MAP3K4: variants seen among roughly 807,000 people sequenced by gnomAD.
The protein encoded by MAP3K4 is MAP three kinase 1.
Under a neutral mutation model 185.6 loss-of-function variants are expected in MAP3K4, and 67 were observed. That is an observed-to-expected ratio of 0.36 (90% CI 0.30 to 0.44). The LOEUF (loss-of-function observed/expected upper bound fraction) is 0.44. Ranked by LOEUF, MAP3K4 falls within the 20% of genes least tolerant of loss-of-function variation. The pLI, the probability that MAP3K4 is intolerant of heterozygous loss-of-function variation, is 1.00. For synonymous variants in MAP3K4, 702 were observed against 710.4 expected (o/e 0.99, Z 0.19); for missense variants, 1,551 against 1,995.1 (o/e 0.78, Z 4.24).
Position 161,053,847 on chromosome 6 carries a change from G to T in MAP3K4, c.1707+3868G>T, listed in dbSNP as rs9458107. Among the ~76,000 whole-genome samples, 99 of 152,228 alleles carry T rather than the reference G, an allele frequency of 6.5e-4. No homozygotes were observed. The highest frequency in any genetic ancestry group is 3.4e-3 in the Middle Eastern group (1 of 294). On this transcript the variant is annotated intron_variant, in intron 3 of 26. Coordinates refer to ENST00000392142, the MANE Select transcript of MAP3K4 (RefSeq NM_005922.4). This position sits in a 1 kb window ranked among gnomAD's most constrained non-coding sequence, Gnocchi z 4.2. ...GACCCCAAATGATCCACCTGCCTCCGCCTCCCAAAGTGCTGGGATTACAGG... is the reference window on the plus strand; with the variant it reads ...GACCCCAAATGATCCACCTGCCTCCTCCTCCCAAAGTGCTGGGATTACAGG...
rs978169390 is a variant in MAP3K4, at chr6:161,087,472, T to C, written c.2557-216T>C. Among the ~76,000 whole-genome samples the C allele has an allele frequency of 6.6e-6, 1 of 152,182 alleles. No homozygotes were observed. The highest frequency in any genetic ancestry group is 1.5e-5 in the Non-Finnish European group (1 of 68,044). The stretch of plus-strand genomic sequence containing the variant: ...GGATGTCCAATAATCGGGGAGACTC[T>C]GTAAGGCCTCTCCTCCAGTGCGTTC... On this transcript the variant is annotated intron_variant, in intron 9 of 26. Coordinates refer to ENST00000392142, the MANE Select transcript of MAP3K4 (RefSeq NM_005922.4). This position sits in a 1 kb window ranked among gnomAD's most constrained non-coding sequence, Gnocchi z 4.9.
intron 25 of MAP3K4, among the ~76,000 whole-genome samples, chr6:161,113,115 T>TC (rs1778424260): frequency 6.6e-6 from 1 of 152,180 alleles, no homozygotes; most frequent in South Asian, 2.1e-4. Context: ...GCTTTATTCA[T>TC]AATTACCAAA....
intron 3 of MAP3K4, among the ~76,000 whole-genome samples, chr6:161,050,337 G>A (rs1194809945): frequency 6.6e-6 from 1 of 152,176 alleles, no homozygotes; most frequent in Non-Finnish European, 1.5e-5. Context: ...ACACTCAGGT[G>A]TTTATAAATG....
chr6:161,086,373 T>C lies in MAP3K4; in HGVS notation c.2373-6T>C. 1.3e-6 allele frequency: 2 copies of C among 1,586,936 alleles called. No individual in the cohort carries two copies. Among genetic ancestry groups the C allele is most frequent in the Non-Finnish European group, 1.7e-6 (2 of 1,159,458 alleles). On this transcript the variant is annotated splice_polypyrimidine_tract_variant and splice_region_variant and intron_variant, in intron 7 of 26. Transcript: ENST00000392142. This position sits in a 1 kb window ranked among gnomAD's most constrained non-coding sequence, Gnocchi z 4.8. ...TGTTCTAACTGGACTTGAATCCACT[T>C]GGCAGGAGGTCTGTTATAGAGATCA...
chr6:161,021,254 C>T (rs1311347856), intron 1 of MAP3K4, among the ~76,000 whole-genome samples: 1 of 152,148 alleles, frequency 6.6e-6, no homozygotes, highest in Admixed American at 6.5e-5. Flanking sequence ...CAACAGGTCA[C>T]TTGGTCTTGA....
At chr6:161,044,716 C>G (rs1783640759) in intron 2 of MAP3K4, among the ~76,000 whole-genome samples, 1 of 152,160 alleles carries the variant, frequency 6.6e-6, no homozygotes, top group Non-Finnish European at 1.5e-5. Context: ...GTATTTGGCT[C>G]ATGGTTCTGT....
rs188354789 is a variant in MAP3K4 at position 161,109,968 on chromosome 6, G to A, written c.4396+54G>A. 72 of 1,598,076 alleles carry A rather than the reference G, an allele frequency of 4.5e-5. No individual in the cohort carries two copies. In the East Asian group the frequency reaches 6.3e-4, roughly 14 times the overall value. ...GGCCAGAGCCACTGGTACCCAGCCC[G>A]TGGGAGGTGCTCTGAAGACGCTCAT... On this transcript the variant is annotated intron_variant, in intron 23 of 26. Transcript: ENST00000392142. This position sits in a 1 kb window ranked among gnomAD's most constrained non-coding sequence, Gnocchi z 5.7.
In MAP3K4 at chr6:161,049,410, A is replaced by G. The variant is rs1211886533; in HGVS notation, c.1138A>G (p.Lys380Glu). The change falls in exon 3 of 27, where the codon AAA (lysine) becomes GAA (glutamate). Residue 380 changes from lysine to glutamate, a missense_variant. Around this residue, in one of 16 missense-constraint regions of MAP3K4, gnomAD observed 93 missense variants for 96.7 expected, o/e 0.96. Coordinates refer to ENST00000392142, the MANE Select transcript of MAP3K4 (RefSeq NM_005922.4). This position sits in a 1 kb window ranked among gnomAD's most constrained non-coding sequence, Gnocchi z 8.4. Reference sequence around the variant, plus strand: ...GCAGGCTCTTCAGAAGGACTATGAAAAATATGCTGCAAAAGACTTCCAGGA... The same window carrying G: ...GCAGGCTCTTCAGAAGGACTATGAAGAATATGCTGCAAAAGACTTCCAGGA... ...SLQALQKDYE[K>E]YAAKDFQDRV... 1 of 1,614,126 alleles carries G rather than the reference A, an allele frequency of 6.2e-7. No homozygotes were observed. Among genetic ancestry groups the G allele is most frequent in the Non-Finnish European group, 8.5e-7 (1 of 1,179,992 alleles).
intron 1 of MAP3K4, among the ~76,000 whole-genome samples, chr6:160,992,599 C>T (rs1435675879): frequency 6.6e-6 from 1 of 152,188 alleles, no homozygotes. Flanking sequence ...AGAAATTGCA[C>T]TTAGACTATG....
intron 3 of MAP3K4, among the ~76,000 whole-genome samples, chr6:161,055,360 T>C (rs960297096): frequency 6.6e-6 from 1 of 152,236 alleles, no homozygotes; most frequent in Non-Finnish European, 1.5e-5. Flanking sequence ...ATCCTTAATA[T>C]CAAAACTACT....
At position 161,049,019 on chromosome 6, in the gene MAP3K4, A is replaced by C; in HGVS notation, c.747A>C (p.Gln249His). The change falls in exon 3 of 27, where the codon CAA becomes CAC. Residue 249 changes from glutamine to histidine, a missense_variant. Gln to His is a conservative substitution (Grantham distance 24, BLOSUM62 0). This residue lies in a region of MAP3K4 where 69 missense variants were observed against 124.8 expected (regional missense o/e 0.55). Coordinates refer to ENST00000392142, the MANE Select transcript of MAP3K4 (RefSeq NM_005922.4). The surrounding 1 kb of genome is among the most constrained non-coding windows in gnomAD (Gnocchi z 8.4). ...SKKKDREQRG[Q>H]ENTSGFWLNR... ...AAAAAGACAGGGAGCAAAGAGGACA[A>C]GAAAATACGTCTGGTTTCTGGCTTA... 3 of 1,614,160 alleles carry C rather than the reference A, an allele frequency of 1.9e-6. No homozygotes were observed. The highest frequency in any genetic ancestry group is 2.5e-6 in the Non-Finnish European group (3 of 1,180,012).
chr6:161,002,589 C>CTTTTT (rs34733206), intron 1 of MAP3K4, among the ~76,000 whole-genome samples: 31 of 106,472 alleles, frequency 2.9e-4, no homozygotes, highest in Non-Finnish European at 3.5e-4. Context: ...ATAGTTTTGG[C>CTTTTT]TTTTTTTTTT....
intron 3 of MAP3K4, among the ~76,000 whole-genome samples, chr6:161,058,011 G>A (rs1784318441): frequency 6.6e-6 from 1 of 152,202 alleles, no homozygotes; most frequent in Admixed American, 6.5e-5. Flanking sequence ...CAGCACAATA[G>A]TAATATTGAG....
At chr6:161,057,722 C>T (rs1306726277) in intron 3 of MAP3K4, among the ~76,000 whole-genome samples, 1 of 152,222 alleles carries the variant, frequency 6.6e-6, no homozygotes, top group East Asian at 1.9e-4. Flanking sequence ...CTGCTTAATA[C>T]AGTTGTTAGA....
rs1225411193 is a variant in MAP3K4 at position 161,054,012 on chromosome 6, A to C, written c.1707+4033A>C. 6.6e-6 allele frequency among the ~76,000 whole-genome samples: 1 copy of C among 152,186 alleles called. No individual in the cohort carries two copies. The highest frequency in any genetic ancestry group is 2.1e-4 in the South Asian group (1 of 4,832). The stretch of plus-strand genomic sequence containing the variant: ...TAATAGGAATGAATATAGGTGAAGG[A>C]TTTTGTAGAAAAGAAGAAATACACG... On this transcript the variant is annotated intron_variant, in intron 3 of 26. Coordinates refer to ENST00000392142, the MANE Select transcript of MAP3K4 (RefSeq NM_005922.4). The surrounding 1 kb of genome is among the most constrained non-coding windows in gnomAD (Gnocchi z 4.2).
intron 3 of MAP3K4, among the ~76,000 whole-genome samples, chr6:161,065,814 T>TA (rs1401764441): frequency 2.6e-5 from 4 of 151,538 alleles, no homozygotes; most frequent in Non-Finnish European, 5.9e-5. Flanking sequence ...GGCGGGAGCC[T>TA]GTAGTCCCAG....
Position 161,093,126 on chromosome 6 carries a change from G to A in MAP3K4, c.3348+70G>A. The A allele has an allele frequency of 9.8e-7, 1 of 1,017,242 alleles. No homozygotes were observed. Among genetic ancestry groups the A allele is most frequent in the Non-Finnish European group, 1.5e-6 (1 of 662,062 alleles). 63.0% of individuals were successfully genotyped at this position (1,017,242 alleles called of 1,614,324 possible). A position where few individuals can be genotyped will look rare whatever the true frequency, so the allele number is the denominator to read the frequency against. ...CACTCCTTATTTTCTGGTTGTATATGTTTTATATGTAATAGTGGTTTTTTT... is the reference window on the plus strand; with the variant it reads ...CACTCCTTATTTTCTGGTTGTATATATTTTATATGTAATAGTGGTTTTTTT... On this transcript the variant is annotated intron_variant, in intron 14 of 26. Coordinates refer to ENST00000392142, the MANE Select transcript of MAP3K4 (RefSeq NM_005922.4). This position sits in a 1 kb window ranked among gnomAD's most constrained non-coding sequence, Gnocchi z 5.2.
Position 161,082,920 on chromosome 6 carries a change from G to A in MAP3K4, c.2256-1581G>A, listed in dbSNP as rs529672056. 6.6e-6 allele frequency among the ~76,000 whole-genome samples: 1 copy of A among 152,188 alleles called. No homozygotes were observed. The highest frequency in any genetic ancestry group is 1.5e-5 in the Non-Finnish European group (1 of 68,052). ...ACCATTGTCTTCTCTCAATTTCCCA[G>A]TGGCTCCCCATCTTACTCAGGAAAC... On this transcript the variant is annotated intron_variant, in intron 6 of 26. Transcript: ENST00000392142. The surrounding 1 kb of genome is among the most constrained non-coding windows in gnomAD (Gnocchi z 4.2).
chr6:161,106,581 G>A lies in MAP3K4; in HGVS notation c.3924G>A (p.Arg1308=). 1.2e-6 allele frequency: 2 copies of A among 1,613,934 alleles called. No individual in the cohort carries two copies. The highest frequency in any genetic ancestry group is 8.5e-7 in the Non-Finnish European group (1 of 1,179,910). ...QKSVRLFEEK[R]YREMRRKNII... ...CAGTCCGATTGTTTGAAGAAAAGAG[G>A]TACCGAGAAATGAGGAGAAAGAATA... Residue 1308 remains arginine (R), a synonymous_variant, in exon 20 of 27, where the codon AGG becomes AGA. Transcript: ENST00000392142. This position sits in a 1 kb window ranked among gnomAD's most constrained non-coding sequence, Gnocchi z 4.9.
Sources: allele counts gnomAD v4.1 joint callset (sites outside exome capture counted in the v4.1 genomes callset), GRCh38; gene constraint gnomAD v4.1.1; regional missense constraint gnomAD v4.1.1; non-coding constraint Gnocchi (gnomAD v3.1); transcripts MANE v1.5; gene names NCBI Gene and HGNC (gene_info 2026-07-23, HGNC 2026-07-21).